CTNNA2: variants seen among roughly 807,000 people sequenced by gnomAD.
The protein encoded by CTNNA2 is catenin alpha-2.
Under a neutral mutation model 101.0 loss-of-function variants are expected in CTNNA2, and 42 were observed. The ratio of observed to expected loss-of-function variants is 0.42; its 90% CI spans 0.32 to 0.54. The LOEUF (loss-of-function observed/expected upper bound fraction) is 0.54. CTNNA2 is among the 20% of genes least tolerant of loss of function. The pLI, the probability that CTNNA2 is intolerant of heterozygous loss-of-function variation, is 0.14. For missense variants in CTNNA2, 871 were observed against 1,223.1 expected (o/e 0.71, Z 4.29); for synonymous variants, 450 against 456.4 (o/e 0.99, Z 0.18).
At chr2:80,511,565 G>A (rs1225651784) in intron 9 of CTNNA2, among the ~76,000 whole-genome samples, 1 of 152,126 alleles carries the variant, frequency 6.6e-6, no homozygotes, top group Non-Finnish European at 1.5e-5. Flanking sequence ...ATTGTATATT[G>A]ACAAAATATA....
chr2:80,302,168 G>A lies in CTNNA2; in HGVS notation c.1057-91043G>A. The A allele has an allele frequency of 6.6e-7, 1 of 1,522,992 alleles. No individual in the cohort carries two copies. The highest frequency in any genetic ancestry group is 8.8e-7 in the Non-Finnish European group (1 of 1,132,146). The allele number at this position is 1,522,992 out of a possible 1,614,324, so 94.3% of individuals were successfully genotyped here. On this transcript the variant is annotated intron_variant, in intron 7 of 18. Transcript: ENST00000402739. The surrounding 1 kb of genome is among the most constrained non-coding windows in gnomAD (Gnocchi z 6.4). The stretch of plus-strand genomic sequence containing the variant: ...AGGAGCATATCAGAGCACAGACAAG[G>A]AGACCCCAGCCTGGTGCCCGCCGGC...
At chr2:79,867,633 T>G (rs1682240889) in intron 4 of CTNNA2, among the ~76,000 whole-genome samples, 1 of 152,216 alleles carries the variant, frequency 6.6e-6, no homozygotes. Context: ...AAAAATATTT[T>G]ATTGAATTAT....
chr2:79,708,168 G>A (rs534348927), intron 2 of CTNNA2, among the ~76,000 whole-genome samples: 5 of 152,232 alleles, frequency 3.3e-5, no homozygotes, highest in African/African-American at 9.6e-5. Flanking sequence ...ATTTCTCACG[G>A]CGTGCTTATA....
At chr2:79,212,622 G>A (rs994354089) in intron 2 of CTNNA2, among the ~76,000 whole-genome samples, 4 of 152,138 alleles carry the variant, frequency 2.6e-5, no homozygotes, top group Admixed American at 2.0e-4. Flanking sequence ...AATGAAGGCC[G>A]GTCCACTATC....
chr2:79,206,464 G>A (rs919583396), intron 2 of CTNNA2, among the ~76,000 whole-genome samples: 1 of 152,154 alleles, frequency 6.6e-6, no homozygotes, highest in East Asian at 1.9e-4. Flanking sequence ...ATCCCAGTGT[G>A]CTTTTTATGC....
At chr2:79,954,920 G>C (rs1452716052) in intron 7 of CTNNA2, among the ~76,000 whole-genome samples, 1 of 152,106 alleles carries the variant, frequency 6.6e-6, no homozygotes, top group African/African-American at 2.4e-5. Flanking sequence ...AGTTGGTTGG[G>C]AGCAGTACAT....
chr2:79,286,773 C>T (rs35887349), intron 2 of CTNNA2, among the ~76,000 whole-genome samples: 10,299 of 151,936 alleles, frequency 0.068, 1,197 homozygotes, highest in African/African-American at 0.24. Context: ...GTGGCGTTCT[C>T]TGTATTTCCT....
rs117311780 is a variant in CTNNA2 at position 79,664,523 on chromosome 2, C to T, written c.102+12865C>T. ...TCTTGACCATGGTTTCCAGATTTAA[C>T]AAATACAAATTCAAGACCCGCAGGT... On this transcript the variant is annotated intron_variant, in intron 2 of 18. Transcript: ENST00000402739. 3.5e-3 allele frequency among the ~76,000 whole-genome samples: 531 copies of T among 152,084 alleles called. 10 individuals are homozygous for T. In the East Asian group the frequency reaches 0.047, roughly 14 times the overall value.
intron 1 of CTNNA2, among the ~76,000 whole-genome samples, chr2:79,563,187 A>ATATT (rs1212833890): frequency 6.3e-5 from 2 of 31,788 alleles, no homozygotes; most frequent in African/African-American, 1.4e-4. Context: ...ATATATATAT[A>ATATT]TTTTCCTTCA....
intron 18 of CTNNA2, among the ~76,000 whole-genome samples, chr2:80,630,317 T>A (rs982003605): frequency 6.6e-6 from 1 of 152,230 alleles, no homozygotes; most frequent in Non-Finnish European, 1.5e-5. Context: ...CCTTTTCATA[T>A]GTCATTACAT....
At chr2:79,702,124 T>C (rs1330988807) in intron 2 of CTNNA2, among the ~76,000 whole-genome samples, 1 of 151,546 alleles carries the variant, frequency 6.6e-6, no homozygotes, top group Non-Finnish European at 1.5e-5. Context: ...TTTCATTCTG[T>C]GGAATCGGAG....
At chr2:79,834,800 T>C (rs1301100787) in intron 3 of CTNNA2, among the ~76,000 whole-genome samples, 2 of 152,092 alleles carry the variant, frequency 1.3e-5, no homozygotes, top group African/African-American at 4.8e-5. Flanking sequence ...TAAATATATC[T>C]CTAAATATTT....
chr2:79,646,524 C>CTTTTTTTT (rs67454188), intron 1 of CTNNA2, among the ~76,000 whole-genome samples: 12 of 106,132 alleles, frequency 1.1e-4, no homozygotes, highest in Non-Finnish European at 1.5e-4. Flanking sequence ...TTCTTTCTGT[C>CTTTTTTTT]TTTTTTTTTT....
intron 7 of CTNNA2, among the ~76,000 whole-genome samples, chr2:80,172,999 C>T (rs540388486): frequency 6.6e-6 from 1 of 152,182 alleles, no homozygotes; most frequent in Admixed American, 6.5e-5. Context: ...AGTACTTTAA[C>T]ATATAAATTT....
chr2:79,499,611 C>T (rs980290627), intron 4 of CTNNA2, among the ~76,000 whole-genome samples: 7 of 152,138 alleles, frequency 4.6e-5, no homozygotes, highest in African/African-American at 7.2e-5. Context: ...TAATAGGACC[C>T]CTCTAAAGCT....
chr2:80,211,574 A>G (rs750204539), intron 7 of CTNNA2, among the ~76,000 whole-genome samples: 7 of 152,090 alleles, frequency 4.6e-5, no homozygotes, highest in Admixed American at 6.5e-5. Context: ...CCATTGGTCT[A>G]TATTTCTGTT....
At chr2:80,231,088 C>T (rs1216726836) in intron 7 of CTNNA2, among the ~76,000 whole-genome samples, 1 of 152,106 alleles carries the variant, frequency 6.6e-6, no homozygotes, top group East Asian at 1.9e-4. Context: ...TCTCCTGCCT[C>T]GGCCTCCCAA....
intron 1 of CTNNA2, among the ~76,000 whole-genome samples, chr2:79,621,676 A>C (rs946575224): frequency 1.1e-4 from 16 of 152,342 alleles, no homozygotes; most frequent in African/African-American, 3.8e-4. Context: ...ATAACTCTCC[A>C]TTCCTTAAGC....
At chr2:80,293,793 A>G (rs541610866) in intron 7 of CTNNA2, among the ~76,000 whole-genome samples, 1 of 152,132 alleles carries the variant, frequency 6.6e-6, no homozygotes. Flanking sequence ...GACTGAGTGG[A>G]AAGGGAATAT....
Sources: gnomAD v4.1 joint callset for allele counts (sites outside exome capture counted in the v4.1 genomes callset) on GRCh38, gnomAD v4.1.1 for gene constraint, Gnocchi (gnomAD v3.1) non-coding constraint, MANE v1.5 for transcripts, NCBI Gene and HGNC (gene_info 2026-07-23, HGNC 2026-07-21) for gene names.